The following NLGN1 variants were observed in gnomAD, a reference collection of about 807,000 sequenced individuals.
NLGN1 encodes the protein neuroligin-1.
In NLGN1, 12 loss-of-function variants were observed where a neutral mutation model predicts 65.5. That is an observed-to-expected ratio of 0.18 (90% CI 0.12 to 0.30). NLGN1 has a LOEUF of 0.30. Among genes scored for constraint, NLGN1 ranks in the 10% least tolerant of loss-of-function variants. The pLI, the probability that NLGN1 is intolerant of heterozygous loss-of-function variation, is 1.00. For synonymous variants in NLGN1, 350 were observed against 359.5 expected (o/e 0.97, Z 0.30); for missense variants, 750 against 1,007.1 (o/e 0.74, Z 3.46).
chr3:174,232,929 A>G (rs1202914571), intron 4 of NLGN1, among the ~76,000 whole-genome samples: 1 of 152,250 alleles, frequency 6.6e-6, no homozygotes, highest in African/African-American at 2.4e-5. Context: ...TTGCAAGACC[A>G]CTTCTGTCAG....
chr3:173,599,255 C>T (rs923656856), intron 2 of NLGN1, among the ~76,000 whole-genome samples: 4 of 152,174 alleles, frequency 2.6e-5, no homozygotes, highest in Middle Eastern at 3.4e-3. Flanking sequence ...TGCTGAAAGG[C>T]GTCAAACAGT....
chr3:173,835,027 C>T (rs961682957), intron 4 of NLGN1, among the ~76,000 whole-genome samples: 1 of 152,120 alleles, frequency 6.6e-6, no homozygotes, highest in African/African-American at 2.4e-5. Flanking sequence ...GAATTCTTAC[C>T]CAAATTTTCT....
At chr3:173,860,174 T>G (rs1728784528) in intron 4 of NLGN1, among the ~76,000 whole-genome samples, 1 of 152,056 alleles carries the variant, frequency 6.6e-6, no homozygotes. Flanking sequence ...TCTAGTTTCT[T>G]TTTTTCATTA....
chr3:173,550,848 A>G (rs1234073688), intron 2 of NLGN1, among the ~76,000 whole-genome samples: 3 of 152,152 alleles, frequency 2.0e-5, no homozygotes, highest in Non-Finnish European at 4.4e-5. Flanking sequence ...TCATTAAAAT[A>G]TATATTATAA....
chr3:173,469,267 T>A (rs1724916937), intron 2 of NLGN1, among the ~76,000 whole-genome samples: 1 of 152,066 alleles, frequency 6.6e-6, no homozygotes, highest in Admixed American at 6.6e-5. Flanking sequence ...TTAAAATGGT[T>A]TCTAAAATCT....
At chr3:174,001,516 G>C (rs530730172) in intron 4 of NLGN1, among the ~76,000 whole-genome samples, 1 of 152,270 alleles carries the variant, frequency 6.6e-6, no homozygotes, top group African/African-American at 2.4e-5. Flanking sequence ...GAAAAGATCA[G>C]TAACTAAAAG....
intron 3 of NLGN1, among the ~76,000 whole-genome samples, chr3:173,722,241 C>CTTTTTTTTTTTTTTTTTTTTTTTTTTTTT (rs58327862): frequency 1.0e-5 from 1 of 100,128 alleles, no homozygotes; most frequent in African/African-American, 3.8e-5. Context: ...TCTTCTTCTT[C>CTTTTTTTTTTTTTTTTTTTTTTTTTTTTT]TTTTTTTTTT....
rs901614935 is a variant in NLGN1, at chr3:173,846,964, C to T, written c.646+39132C>T. Among the ~76,000 whole-genome samples the T allele has an allele frequency of 3.9e-5, 6 of 152,198 alleles. No homozygotes were observed. In the East Asian group the frequency reaches 1.2e-3, roughly 29 times the overall value. On this transcript the variant is annotated intron_variant, in intron 4 of 6. Transcript: ENST00000457714. ...GGTAGTAAATATCTCCTTGATGTAT[C>T]AATAGTTAAAACATTTTTAAAGCCT...
At chr3:173,559,052 A>G (rs1742199764) in intron 2 of NLGN1, among the ~76,000 whole-genome samples, 3 of 152,138 alleles carry the variant, frequency 2.0e-5, no homozygotes, top group Non-Finnish European at 4.4e-5. Flanking sequence ...TGTACTAGCT[A>G]CCATCAGTAT....
chr3:173,897,176 T>C (rs1328018392), intron 4 of NLGN1, among the ~76,000 whole-genome samples: 1 of 152,162 alleles, frequency 6.6e-6, no homozygotes, highest in Non-Finnish European at 1.5e-5. Flanking sequence ...CTTCACCACA[T>C]TTTTCACTCT....
chr3:173,487,589 T>C (rs1339007758), intron 2 of NLGN1, among the ~76,000 whole-genome samples: 7 of 152,076 alleles, frequency 4.6e-5, no homozygotes, highest in Non-Finnish European at 8.8e-5. Flanking sequence ...ATATTGGCTT[T>C]TGTCAAATTC....
intron 2 of NLGN1, among the ~76,000 whole-genome samples, chr3:173,475,195 A>G (rs2148943434): frequency 6.6e-6 from 1 of 152,280 alleles, no homozygotes; most frequent in East Asian, 1.9e-4. Context: ...TGTGAAATAT[A>G]TATAATTTCT....
chr3:173,533,512 T>C (rs1345040819), intron 2 of NLGN1, among the ~76,000 whole-genome samples: 2 of 152,104 alleles, frequency 1.3e-5, no homozygotes, highest in Non-Finnish European at 2.9e-5. Context: ...TTCTGGAAAA[T>C]AAAGCCCGTA....
chr3:173,622,129 G>T (rs1754092744), intron 3 of NLGN1, among the ~76,000 whole-genome samples: 1 of 152,052 alleles, frequency 6.6e-6, no homozygotes, highest in African/African-American at 2.4e-5. Flanking sequence ...AATGAATAGG[G>T]TACATAATCC....
intron 1 of NLGN1, among the ~76,000 whole-genome samples, chr3:173,425,961 CATG>C (rs981501613): frequency 6.6e-6 from 1 of 152,068 alleles, no homozygotes; most frequent in African/African-American, 2.4e-5. Flanking sequence ...TCTCCAGGAA[CATG>C]ATATGTCTTT....
intron 2 of NLGN1, among the ~76,000 whole-genome samples, chr3:173,448,889 C>T (rs539239633): frequency 6.6e-6 from 1 of 152,330 alleles, no homozygotes; most frequent in African/African-American, 2.4e-5. Context: ...GTTTGTATTT[C>T]TGTGGGATCA....
At chr3:174,256,903 T>G (rs1394499569) in intron 4 of NLGN1, among the ~76,000 whole-genome samples, 3 of 152,034 alleles carry the variant, frequency 2.0e-5, no homozygotes, top group African/African-American at 7.2e-5. Context: ...AAGCGAAAAT[T>G]GACAAATGGG....
intron 2 of NLGN1, among the ~76,000 whole-genome samples, chr3:173,587,663 G>A (rs1163534270): frequency 2.6e-5 from 4 of 152,138 alleles, no homozygotes; most frequent in Admixed American, 1.3e-4. Context: ...AACACAAAAT[G>A]TGGTAGTTTG....
intron 4 of NLGN1, among the ~76,000 whole-genome samples, chr3:173,878,511 T>G (rs1732583871): frequency 6.6e-6 from 1 of 151,930 alleles, no homozygotes; most frequent in Non-Finnish European, 1.5e-5. Flanking sequence ...AAAAATTGGC[T>G]CGATTATCTC....
Sources: gnomAD v4.1 joint callset for allele counts (sites outside exome capture counted in the v4.1 genomes callset) on GRCh38, gnomAD v4.1.1 for gene constraint, MANE v1.5 for transcripts, NCBI Gene and HGNC (gene_info 2026-07-23, HGNC 2026-07-21) for gene names.